Variants in PCDHGA6 observed in about 807,000 individuals in gnomAD.
PCDHGA6 encodes protocadherin gamma subfamily A, 6, also known as protocadherin gamma-A6.
Under a neutral mutation model 60.6 loss-of-function variants are expected in PCDHGA6, and 41 were observed. The ratio of observed to expected loss-of-function variants is 0.68; its 90% CI spans 0.53 to 0.88. The LOEUF (loss-of-function observed/expected upper bound fraction) is 0.88. Among genes scored for constraint, PCDHGA6 ranks in the 40% least tolerant of loss-of-function variants. The pLI is 0.00. For missense variants in PCDHGA6, 1,312 were observed against 1,203.0 expected, an observed-to-expected ratio of 1.09 and a Z score of -1.34; for synonymous variants, 594 against 524.4, an observed-to-expected ratio of 1.13 and a Z score of -1.81.
chr5:141,465,019 G>T (rs533151051), intron 1 of PCDHGA6, among the ~76,000 whole-genome samples: 1 of 151,978 alleles, frequency 6.6e-6, no homozygotes, highest in Non-Finnish European at 1.5e-5. Context: ...TAAGATTACA[G>T]CCATGAACCA....
rs530404769 is a variant in PCDHGA6, at chr5:141,423,267, G to C, written c.2424+46760G>C. On this transcript the variant is annotated intron_variant, in intron 1 of 3. Coordinates refer to ENST00000517434, the MANE Select transcript of PCDHGA6 (RefSeq NM_018919.3). ...TCCTGGCGGACCTCGGCAGCCTCGA[G>C]TCTCTGGCTAACTCTGAAACCTCAG... The C allele has an allele frequency of 2.5e-6, 4 of 1,613,710 alleles. No individual in the cohort carries two copies. In the South Asian group the frequency reaches 4.4e-5, roughly 18 times the overall value.
intron 2 of PCDHGA6, among the ~76,000 whole-genome samples, chr5:141,500,674 G>T (rs554174451): frequency 4.2e-4 from 64 of 152,122 alleles, no homozygotes; most frequent in Non-Finnish European, 6.6e-4. Flanking sequence ...CTGTCCAACA[G>T]AATTATAGCT....
At chr5:141,409,388 T>C in intron 1 of PCDHGA6, 1 of 1,614,018 alleles carries the variant, frequency 6.2e-7, no homozygotes, top group Non-Finnish European at 8.5e-7. Flanking sequence ...CAAGATTTAT[T>C]CTTCTTCCAA....
chr5:141,393,043 T>C (rs770560068), intron 1 of PCDHGA6: 1 of 1,613,732 alleles, frequency 6.2e-7, no homozygotes, highest in South Asian at 1.1e-5. Context: ...CTCTTTGCTC[T>C]GAACCCGCGC....
chr5:141,477,502 C>A lies in PCDHGA6; in HGVS notation c.2425-17305C>A, dbSNP rs2099412065. On this transcript the variant is annotated intron_variant, in intron 1 of 3. Coordinates refer to ENST00000517434, the MANE Select transcript of PCDHGA6 (RefSeq NM_018919.3). This position sits in a 1 kb window ranked among gnomAD's most constrained non-coding sequence, Gnocchi z 4.9. ...CTCCACAATCTTCTCAATCTTCCTA[C>A]GACGTTTACATTGAAGAAAACAACC... The A allele has an allele frequency of 9.3e-6, 15 of 1,614,026 alleles. No homozygotes were observed. The highest frequency in any genetic ancestry group is 1.3e-5 in the Non-Finnish European group (15 of 1,180,026).
intron 1 of PCDHGA6, chr5:141,418,454 ACTCTG>A (rs2096260396): frequency 3.1e-6 from 5 of 1,613,892 alleles, no homozygotes; most frequent in Non-Finnish European, 4.2e-6. Context: ...ATTGCAGAAG[ACTCTG>A]GACCGAGAAA....
intron 1 of PCDHGA6, chr5:141,393,064 T>C: frequency 6.2e-7 from 1 of 1,613,630 alleles, no homozygotes. Flanking sequence ...AGCGGCAGCT[T>C]GATCACCGCG....
At position 141,511,622 on chromosome 5, in the gene PCDHGA6, A is replaced by G; in HGVS notation, c.*449A>G. 4.3e-6 allele frequency: 1 copy of G among 232,852 alleles called. No individual in the cohort carries two copies. The highest frequency in any genetic ancestry group is 8.7e-6 in the Non-Finnish European group (1 of 114,994). The allele number at this position is 232,852 out of a possible 1,614,324, so 14.4% of individuals were successfully genotyped here. A position where few individuals can be genotyped will look rare whatever the true frequency, so the allele number is the denominator to read the frequency against. On this transcript the variant is annotated 3_prime_UTR_variant, in exon 4 of 4. Transcript: ENST00000517434. ...AACCTACAAGCCTCCTAGTTCTGAA[A>G]AGTTGGAAGGGCATCATGACCTCTT...
chr5:141,384,924 G>A (rs1467129756), intron 1 of PCDHGA6: 2 of 1,613,840 alleles, frequency 1.2e-6, no homozygotes, highest in African/African-American at 2.7e-5. Flanking sequence ...TGGCCGACCT[G>A]GGCAGCCTTG....
At chr5:141,388,993 G>A (rs778336882) in intron 1 of PCDHGA6, 1 of 1,614,026 alleles carries the variant, frequency 6.2e-7, no homozygotes, top group South Asian at 1.1e-5. Flanking sequence ...CTCAAAGTCC[G>A]TGACAAGGAT....
At position 141,389,423 on chromosome 5, in the gene PCDHGA6, C is replaced by G. The variant is rs779826135; in HGVS notation, c.2424+12916C>G. 11 of 1,613,516 alleles carry G rather than the reference C, an allele frequency of 6.8e-6. No individual in the cohort carries two copies. The highest frequency in any genetic ancestry group is 9.3e-6 in the Non-Finnish European group (11 of 1,179,902). ...TAAGCGCGGAGAGCGGGGTGGTGTT[C>G]GCGCAGCGCGCCTTCGACCACGAGC... On this transcript the variant is annotated intron_variant, in intron 1 of 3. Coordinates refer to ENST00000517434, the MANE Select transcript of PCDHGA6 (RefSeq NM_018919.3).
intron 1 of PCDHGA6, chr5:141,389,603 C>A: frequency 6.2e-7 from 1 of 1,613,148 alleles, no homozygotes; most frequent in Non-Finnish European, 8.5e-7. Flanking sequence ...CTGCGCTCTT[C>A]GATATGGTGC....
Position 141,432,410 on chromosome 5 carries a change from T to C in PCDHGA6, c.2424+55903T>C. On this transcript the variant is annotated intron_variant, in intron 1 of 3. Transcript: ENST00000517434. This position sits in a 1 kb window ranked among gnomAD's most constrained non-coding sequence, Gnocchi z 6.0. The stretch of plus-strand genomic sequence containing the variant: ...CAGCAGCAACGTGTCGTTGAGCCTG[T>C]TCGTGCTGGACCAGAACGACAATGC... 6.2e-7 allele frequency: 1 copy of C among 1,614,228 alleles called. No homozygotes were observed. Among genetic ancestry groups the C allele is most frequent in the East Asian group, 2.2e-5 (1 of 44,884 alleles).
Position 141,486,563 on chromosome 5 carries a change from G to T in PCDHGA6, c.2425-8244G>T, listed in dbSNP as rs558244990. Reference sequence around the variant, plus strand: ...CTTTCAGAGGTCACATGAGGTGTTTGTTCCTGAGAACAATCGCCCAGGGGA... The same window carrying T: ...CTTTCAGAGGTCACATGAGGTGTTTTTTCCTGAGAACAATCGCCCAGGGGA... On this transcript the variant is annotated intron_variant, in intron 1 of 3. Transcript: ENST00000517434. The surrounding 1 kb of genome is among the most constrained non-coding windows in gnomAD (Gnocchi z 5.0). The T allele has an allele frequency of 4.3e-6, 7 of 1,614,006 alleles. No individual in the cohort carries two copies. The highest frequency in any genetic ancestry group is 4.0e-5 in the African/African-American group (3 of 75,054).
At chr5:141,409,212 T>C (rs751644523) in intron 1 of PCDHGA6, 1 of 1,613,924 alleles carries the variant, frequency 6.2e-7, no homozygotes, top group Non-Finnish European at 8.5e-7. Context: ...ATCATAGAAA[T>C]CCTTGATGAA....
In PCDHGA6 at chr5:141,487,072, T is replaced by C. The variant is rs754589618; in HGVS notation, c.2425-7735T>C. On this transcript the variant is annotated intron_variant, in intron 1 of 3. Coordinates refer to ENST00000517434, the MANE Select transcript of PCDHGA6 (RefSeq NM_018919.3). This position sits in a 1 kb window ranked among gnomAD's most constrained non-coding sequence, Gnocchi z 5.0. ...CTGGGGAGGTGCGGACGGCTGTTCCTATCCCAGCTGACCTCCCACCACAGA... is the reference window on the plus strand; with the variant it reads ...CTGGGGAGGTGCGGACGGCTGTTCCCATCCCAGCTGACCTCCCACCACAGA... 8.1e-6 allele frequency: 13 copies of C among 1,614,010 alleles called. No homozygotes were observed. Among genetic ancestry groups the C allele is most frequent in the Non-Finnish European group, 1.1e-5 (13 of 1,179,966 alleles).
intron 3 of PCDHGA6, among the ~76,000 whole-genome samples, chr5:141,510,440 C>T (rs1251795430): frequency 6.6e-6 from 1 of 152,066 alleles, no homozygotes; most frequent in Non-Finnish European, 1.5e-5. Context: ...TGCTGCCCTC[C>T]AGGAGCCCAT....
chr5:141,392,977 AC>A (rs1561639344), intron 1 of PCDHGA6: 1 of 1,613,678 alleles, frequency 6.2e-7, no homozygotes, highest in South Asian at 1.1e-5. Flanking sequence ...CTGGGGCTGG[AC>A]CCCCGGAAGC....
In PCDHGA6 at chr5:141,431,019, C is replaced by A. The variant is rs1368671750; in HGVS notation, c.2424+54512C>A. 1 of 1,613,488 alleles carries A rather than the reference C, an allele frequency of 6.2e-7. No individual in the cohort carries two copies. The highest frequency in any genetic ancestry group is 1.7e-5 in the Admixed American group (1 of 59,968). ...CCGCGCAGCGGCAGCTTGGTCACGG[C>A]GGGCAGGATAGACCGGGAGGAGCTC... On this transcript the variant is annotated intron_variant, in intron 1 of 3. Transcript: ENST00000517434. The surrounding 1 kb of genome is among the most constrained non-coding windows in gnomAD (Gnocchi z 4.8).
Sources: allele counts gnomAD v4.1 joint callset (sites outside exome capture counted in the v4.1 genomes callset), GRCh38; gene constraint gnomAD v4.1.1; non-coding constraint Gnocchi (gnomAD v3.1); transcripts MANE v1.5; gene names NCBI Gene and HGNC (gene_info 2026-07-23, HGNC 2026-07-21).